CLCC1: variants seen among roughly 807,000 people sequenced by gnomAD.
CLCC1 encodes chloride channel CLIC-like protein 1.
CLCC1 carries 39 observed loss-of-function variants against 63.3 expected under a neutral mutation model. The observed-to-expected ratio is 0.62, with a 90% CI of 0.48 to 0.81. The LOEUF is 0.81. Ranked by LOEUF, CLCC1 falls within the 30% of genes least tolerant of loss-of-function variation. CLCC1 has a pLI of 0.00. For missense variants in CLCC1, 549 were observed against 669.4 expected (o/e 0.82, Z 1.98); for synonymous variants, 217 against 239.8 (o/e 0.90, Z 0.88).
At chr1:108,943,043 G>A (rs1209658398) in intron 7 of CLCC1, among the ~76,000 whole-genome samples, 6 of 151,992 alleles carry the variant, frequency 3.9e-5, no homozygotes, top group African/African-American at 1.5e-4. Context: ...CTGAGTAGCT[G>A]GGACTACAGG....
intron 2 of CLCC1, among the ~76,000 whole-genome samples, chr1:108,951,618 G>C (rs1655188680): frequency 6.6e-6 from 1 of 152,164 alleles, no homozygotes; most frequent in Admixed American, 6.5e-5. Context: ...AAGACAGAAA[G>C]TAGATTAACA....
At chr1:108,940,237 C>T in intron 8 of CLCC1, 95 bp from the exon 9 acceptor site, 1 of 678,748 alleles carries the variant, frequency 1.5e-6, no homozygotes, top group Non-Finnish European at 2.4e-6. Context: ...CCTCCCTGAC[C>T]ACCCACCAAT....
intron 8 of CLCC1, among the ~76,000 whole-genome samples, chr1:108,940,579 G>A (rs968087788): frequency 6.6e-6 from 1 of 152,158 alleles, no homozygotes; most frequent in Non-Finnish European, 1.5e-5. Context: ...GGCTCTCTCT[G>A]TAGTATTTCT....
chr1:108,941,358 TC>T, intron 8 of CLCC1, 46 bp downstream of exon 8: 1 of 1,488,510 alleles, frequency 6.7e-7, no homozygotes, highest in Non-Finnish European at 9.3e-7. Context: ...GTTCTTTCAT[TC>T]TCAGAATTTC....
chr1:108,951,391 C>A (rs1655166985), intron 2 of CLCC1, among the ~76,000 whole-genome samples: 1 of 152,076 alleles, frequency 6.6e-6, no homozygotes, highest in South Asian at 2.1e-4. Flanking sequence ...ACAGAAAAAA[C>A]AACAACAACA....
intron 2 of CLCC1, among the ~76,000 whole-genome samples, chr1:108,958,831 G>C (rs1656256884): frequency 1.3e-5 from 2 of 150,608 alleles, no homozygotes; most frequent in Non-Finnish European, 2.9e-5. Flanking sequence ...AGTGAGCCAA[G>C]ATTACACCAC....
rs1324288114 is a variant in CLCC1 at position 108,931,048 on chromosome 1, T to C, written c.*1499A>G. ...GCCTGGGTGACAGAGCAAGACCCTG[T>C]CTCTAGAAAACAAGTATCTTTTGTG... On this transcript the variant is annotated 3_prime_UTR_variant, in exon 13 of 13. Coordinates refer to ENST00000369969, the MANE Select transcript of CLCC1 (RefSeq NM_001377458.1). The C allele has an allele frequency of 2.1e-5, 5 of 240,798 alleles. No individual in the cohort carries two copies. The highest frequency in any genetic ancestry group is 1.6e-4 in the Admixed American group (3 of 19,286). The allele number at this position is 240,798 out of a possible 1,614,324, so 14.9% of individuals were successfully genotyped here.
chr1:108,958,232 T>C (rs1172982459), intron 2 of CLCC1, among the ~76,000 whole-genome samples: 8 of 151,506 alleles, frequency 5.3e-5, no homozygotes, highest in Admixed American at 3.9e-4. Context: ...CGGTTTTGCT[T>C]TCTGAGGTTT....
At chr1:108,943,095 A>G (rs1261639722) in intron 7 of CLCC1, among the ~76,000 whole-genome samples, 5 of 152,084 alleles carry the variant, frequency 3.3e-5, no homozygotes, top group African/African-American at 1.2e-4. Context: ...TTTTTAGTAG[A>G]GACAGGGTTT....
intron 10 of CLCC1, 80 bp downstream of exon 10, chr1:108,939,556 G>A (rs555009476): frequency 6.3e-5 from 83 of 1,308,206 alleles, no homozygotes; most frequent in South Asian, 6.3e-4. Context: ...TGATCCGCCC[G>A]CCTAGGCCTC....
chr1:108,963,462 T>C lies in CLCC1; in HGVS notation c.-274A>G. On this transcript the variant is annotated 5_prime_UTR_variant, in exon 1 of 13. Transcript: ENST00000369969. ...CCGCCCAGGGTTTCAGCGTGCTTCC[T>C]GGGCCTCGTCATCGAATTGTTCGGC... 1 of 702,140 alleles carries C rather than the reference T, an allele frequency of 1.4e-6. No homozygotes were observed. Among genetic ancestry groups the C allele is most frequent in the Non-Finnish European group, 2.6e-6 (1 of 384,610 alleles). The allele number at this position is 702,140 out of a possible 1,614,324, so 43.5% of individuals were successfully genotyped here.
intron 12 of CLCC1, 189 bp downstream of exon 12, chr1:108,934,436 T>G: frequency 2.0e-6 from 1 of 509,074 alleles, no homozygotes; most frequent in East Asian, 3.0e-5. Context: ...AAACACTTCT[T>G]ACTTTATGGG....
intron 7 of CLCC1, 131 bp downstream of exon 7, chr1:108,943,344 C>G (rs950924243): frequency 7.1e-6 from 6 of 850,360 alleles, no homozygotes; most frequent in Non-Finnish European, 1.1e-5. Context: ...TTTAATTCCT[C>G]TCCAGCGTGG....
At chr1:108,952,722 C>A (rs1251838003) in intron 2 of CLCC1, among the ~76,000 whole-genome samples, 2 of 151,668 alleles carry the variant, frequency 1.3e-5, no homozygotes, top group Non-Finnish European at 2.9e-5. Context: ...ATGGCTTGAA[C>A]CCAGGAGGCA....
At chr1:108,948,524 A>G (rs545425615) in intron 4 of CLCC1, among the ~76,000 whole-genome samples, 1 of 152,340 alleles carries the variant, frequency 6.6e-6, no homozygotes, top group South Asian at 2.1e-4. Context: ...ACAATAATTG[A>G]GCAGCACACA....
At chr1:108,944,633 G>A (rs1571037846) in intron 5 of CLCC1, among the ~76,000 whole-genome samples, 1 of 151,266 alleles carries the variant, frequency 6.6e-6, no homozygotes. Flanking sequence ...AGTAGTTATC[G>A]TCTTTTTTTT....
chr1:108,936,852 A>G (rs1353663371), intron 11 of CLCC1, among the ~76,000 whole-genome samples: 1 of 152,228 alleles, frequency 6.6e-6, no homozygotes, highest in Non-Finnish European at 1.5e-5. Context: ...ATCTGCTCTA[A>G]CAAACTACTG....
intron 2 of CLCC1, among the ~76,000 whole-genome samples, chr1:108,951,736 C>T (rs1571064918): frequency 6.7e-6 from 1 of 149,714 alleles, no homozygotes; most frequent in Admixed American, 6.7e-5. Flanking sequence ...CAAATACATG[C>T]AAATATACCC....
intron 2 of CLCC1, among the ~76,000 whole-genome samples, chr1:108,959,283 GAC>G (rs1472056706): frequency 1.3e-5 from 2 of 152,030 alleles, no homozygotes; most frequent in Non-Finnish European, 2.9e-5. Context: ...GAGCCTGGGA[GAC>G]AGAGGTTGCA....
Sources: allele counts gnomAD v4.1 joint callset (sites outside exome capture counted in the v4.1 genomes callset), GRCh38; gene constraint gnomAD v4.1.1; transcripts MANE v1.5; gene names NCBI Gene and HGNC (gene_info 2026-07-23, HGNC 2026-07-21).